The following GPC5 variants were observed in gnomAD, a reference collection of about 807,000 sequenced individuals.
GPC5 encodes glypican 5.
A neutral mutation model predicts 53.9 loss-of-function variants in GPC5; 47 were observed. The observed-to-expected ratio is 0.87, with a 90% CI of 0.69 to 1.11. GPC5 has a LOEUF of 1.11. GPC5 is among the 50% of genes most tolerant of loss of function. The probability of loss-of-function intolerance (pLI) is 0.00; values close to 1 mark genes in which losing one functional copy is unlikely to be tolerated. For missense variants in GPC5, 748 were observed against 713.1 expected (o/e 1.05, Z -0.56); for synonymous variants, 286 against 263.3 (o/e 1.09, Z -0.84).
At chr13:91,987,946 AATT>A (rs780533893) in intron 6 of GPC5, among the ~76,000 whole-genome samples, 2 of 146,058 alleles carry the variant, frequency 1.4e-5, no homozygotes, top group Non-Finnish European at 3.0e-5. Flanking sequence ...ACATTATAGT[AATT>A]ATTATAGTAA....
chr13:91,859,995 T>G (rs947276024), intron 5 of GPC5, among the ~76,000 whole-genome samples: 6 of 152,164 alleles, frequency 3.9e-5, no homozygotes, highest in Non-Finnish European at 8.8e-5. Flanking sequence ...ATAGTGTATA[T>G]ATGTAATTAC....
intron 7 of GPC5, among the ~76,000 whole-genome samples, chr13:92,670,319 G>C (rs1404929761): frequency 1.3e-5 from 2 of 152,174 alleles, no homozygotes; most frequent in Non-Finnish European, 2.9e-5. Flanking sequence ...CCAAAGGCTA[G>C]GGAAGTCCCA....
intron 7 of GPC5, among the ~76,000 whole-genome samples, chr13:92,638,054 GA>G (rs1885468043): frequency 6.6e-6 from 1 of 152,034 alleles, no homozygotes; most frequent in African/African-American, 2.4e-5. Context: ...CAACTGAAAT[GA>G]AAAAATAAAT....
chr13:92,542,559 T>A (rs1458405185), intron 7 of GPC5, among the ~76,000 whole-genome samples: 1 of 152,118 alleles, frequency 6.6e-6, no homozygotes, highest in African/African-American at 2.4e-5. Context: ...TTCTCGTTTG[T>A]GTATTTGCTC....
chr13:91,835,554 T>C (rs139495973), intron 5 of GPC5, among the ~76,000 whole-genome samples: 6,728 of 152,098 alleles, frequency 0.044, 173 homozygotes, highest in Middle Eastern at 0.065. Context: ...ACTATGCAGC[T>C]ATTAAAAGGA....
chr13:91,966,275 T>C (rs2040179947), intron 6 of GPC5, among the ~76,000 whole-genome samples: 1 of 152,126 alleles, frequency 6.6e-6, no homozygotes, highest in Admixed American at 6.6e-5. Flanking sequence ...AGAAAAAGCA[T>C]AGAAATAGGA....
At chr13:91,898,572 T>C (rs1436971816) in intron 5 of GPC5, among the ~76,000 whole-genome samples, 8 of 152,148 alleles carry the variant, frequency 5.3e-5, no homozygotes, top group Non-Finnish European at 8.8e-5. Context: ...TACAAAATGA[T>C]GAAATAAACA....
intron 6 of GPC5, among the ~76,000 whole-genome samples, chr13:92,007,728 CCTA>C (rs2040620052): frequency 6.6e-6 from 1 of 152,090 alleles, no homozygotes; most frequent in African/African-American, 2.4e-5. Flanking sequence ...TTATAGTTCT[CCTA>C]CTTGCTTTCC....
At chr13:91,531,071 C>G (rs964113886) in intron 2 of GPC5, among the ~76,000 whole-genome samples, 4 of 152,130 alleles carry the variant, frequency 2.6e-5, no homozygotes, top group Admixed American at 6.5e-5. Flanking sequence ...ACATTTATCT[C>G]TAGTTCTTCT....
intron 7 of GPC5, among the ~76,000 whole-genome samples, chr13:92,194,804 C>T (rs1482800780): frequency 6.6e-6 from 1 of 152,170 alleles, no homozygotes; most frequent in East Asian, 1.9e-4. Flanking sequence ...GGTCTTTCTC[C>T]AACAACATGG....
intron 7 of GPC5, among the ~76,000 whole-genome samples, chr13:92,739,838 GA>G (rs2139309235): frequency 6.6e-6 from 1 of 151,822 alleles, no homozygotes; most frequent in South Asian, 2.1e-4. Flanking sequence ...GCTTCCCTCA[GA>G]CAAAGAACAA....
rs114069346 is a variant in GPC5 at position 92,164,205 on chromosome 13, A to C, written c.1561+19216A>C. ...TGTCCTCACATTTCAAAACACAAGC[A>C]TGCCTTTCCAGCAGTCCCCCAACAT... On this transcript the variant is annotated intron_variant, in intron 7 of 7. Transcript: ENST00000377067. Among the ~76,000 whole-genome samples the C allele has an allele frequency of 4.2e-3, 632 of 152,208 alleles. 5 individuals carry two copies. Among genetic ancestry groups the C allele is most frequent in the African/African-American group, 0.015 (604 of 41,522 alleles).
At chr13:92,221,334 T>C (rs2042446975) in intron 7 of GPC5, among the ~76,000 whole-genome samples, 1 of 152,224 alleles carries the variant, frequency 6.6e-6, no homozygotes, top group African/African-American at 2.4e-5. Flanking sequence ...TGTCTTATCA[T>C]ATACAGTGTA....
chr13:91,556,815 A>C (rs1217458329), intron 2 of GPC5, among the ~76,000 whole-genome samples: 1 of 151,944 alleles, frequency 6.6e-6, no homozygotes, highest in Non-Finnish European at 1.5e-5. Flanking sequence ...TTGGGGACTC[A>C]GGGGAAAGGG....
At chr13:92,526,013 G>C (rs1054227708) in intron 7 of GPC5, among the ~76,000 whole-genome samples, 2 of 151,988 alleles carry the variant, frequency 1.3e-5, no homozygotes, top group Non-Finnish European at 2.9e-5. Context: ...ACTACCCCTT[G>C]ATTACATAAA....
chr13:92,507,816 CAT>C (rs1880426880), intron 7 of GPC5, among the ~76,000 whole-genome samples: 1 of 152,002 alleles, frequency 6.6e-6, no homozygotes, highest in Non-Finnish European at 1.5e-5. Flanking sequence ...CAACAATCCT[CAT>C]ACATTTAATG....
intron 2 of GPC5, among the ~76,000 whole-genome samples, chr13:91,551,369 G>A (rs2030625744): frequency 6.6e-6 from 1 of 152,058 alleles, no homozygotes; most frequent in African/African-American, 2.4e-5. Flanking sequence ...AGTAAGGCAG[G>A]CAATGTGCCA....
At chr13:92,623,833 G>A (rs1247433822) in intron 7 of GPC5, among the ~76,000 whole-genome samples, 1 of 149,880 alleles carries the variant, frequency 6.7e-6, no homozygotes, top group East Asian at 2.0e-4. Context: ...CCCTTAGAAA[G>A]TCTACTGATA....
At chr13:92,510,233 C>G (rs1403260331) in intron 7 of GPC5, 1 of 151,898 alleles carries the variant, frequency 6.6e-6, no homozygotes, top group Non-Finnish European at 1.5e-5. Context: ...TTAAAGGCAT[C>G]TTTATGTTTA....
Sources: gnomAD v4.1 joint callset for allele counts (sites outside exome capture counted in the v4.1 genomes callset) on GRCh38, gnomAD v4.1.1 for gene constraint, MANE v1.5 for transcripts, NCBI Gene and HGNC (gene_info 2026-07-23, HGNC 2026-07-21) for gene names.